KIF21A: variants seen among roughly 807,000 people sequenced by gnomAD.
KIF21A encodes kinesin-like protein KIF21A.
KIF21A carries 114 observed loss-of-function variants against 202.9 expected under a neutral mutation model. That is an observed-to-expected ratio of 0.56 (90% confidence interval 0.48 to 0.66). The LOEUF (loss-of-function observed/expected upper bound fraction) is 0.66, where lower values mean the gene tolerates loss of function less well. Ranked by LOEUF, KIF21A falls within the 30% of genes least tolerant of loss-of-function variation. The probability of loss-of-function intolerance (pLI) is 0.00; values close to 1 mark genes in which losing one functional copy is unlikely to be tolerated. For missense variants in KIF21A, 1,677 were observed against 1,994.9 expected, an observed-to-expected ratio of 0.84 and a Z score of 3.04; for synonymous variants, 667 against 670.8, an observed-to-expected ratio of 0.99 and a Z score of 0.09.
At chr12:39,363,408 G>A (rs559949141) in intron 6 of KIF21A, among the ~76,000 whole-genome samples, 195 bp from the exon 7 acceptor site, 39 of 151,764 alleles carry the variant, frequency 2.6e-4, no homozygotes, top group African/African-American at 5.6e-4. Context: ...ATATAATACC[G>A]TATGTATATA....
chr12:39,411,671 C>T (rs1222211466), intron 1 of KIF21A, among the ~76,000 whole-genome samples: 1 of 151,880 alleles, frequency 6.6e-6, no homozygotes, highest in Non-Finnish European at 1.5e-5. Flanking sequence ...GGACTACAGG[C>T]ATGCACCACC....
chr12:39,435,354 T>C (rs1436328466), intron 1 of KIF21A, among the ~76,000 whole-genome samples: 1 of 152,228 alleles, frequency 6.6e-6, no homozygotes, highest in Non-Finnish European at 1.5e-5. Flanking sequence ...TTTCAAGCCA[T>C]TTCCTACTGG....
At chr12:39,409,388 A>C (rs980562066) in intron 1 of KIF21A, among the ~76,000 whole-genome samples, 1 of 145,370 alleles carries the variant, frequency 6.9e-6, no homozygotes, top group South Asian at 2.1e-4. Context: ...AATTAAAAAA[A>C]CAAAAAAAAA....
rs992012618 is a variant in KIF21A, at chr12:39,358,320, G to A, written c.1073C>T (p.Thr358Met). 1.9e-6 allele frequency: 3 copies of A among 1,613,868 alleles called. No homozygotes were observed. Among genetic ancestry groups the A allele is most frequent in the Admixed American group, 1.7e-5 (1 of 59,988 alleles). Residue 358 changes from threonine to methionine, a missense_variant, in exon 8 of 38, where the codon ACG becomes ATG. Physicochemically the swap from Thr to Met is moderately conservative, Grantham distance 81 (BLOSUM62 -1). This residue lies in a region of KIF21A where 966 missense variants were observed against 1,180.9 expected (regional missense o/e 0.82). Transcript: ENST00000361418. ...VSPSDRDFME[T>M]LNTLKYANRA... The stretch of plus-strand genomic sequence containing the variant: ...ATTGGCGTATTTCAGGGTGTTTAAC[G>A]TTTCCATAAAGTCTCTGTCTGAAGG...
chr12:39,369,514 A>G (rs1286980782), intron 3 of KIF21A, among the ~76,000 whole-genome samples: 1 of 152,126 alleles, frequency 6.6e-6, no homozygotes, highest in Non-Finnish European at 1.5e-5. Flanking sequence ...CTTTTATTCT[A>G]TGGACATTGG....
intron 1 of KIF21A, among the ~76,000 whole-genome samples, chr12:39,429,201 C>A (rs1036381842): frequency 9.2e-5 from 14 of 152,064 alleles, no homozygotes; most frequent in Non-Finnish European, 1.5e-4. Context: ...ATAAGTATCC[C>A]CCATGTCAAA....
chr12:39,311,839 C>T (rs537348701), intron 31 of KIF21A: 10 of 342,826 alleles, frequency 2.9e-5, no homozygotes, highest in Admixed American at 1.2e-4. Flanking sequence ...CAAGGTTTAA[C>T]GAAGCCACAA....
chr12:39,405,996 G>A (rs1592585927), intron 1 of KIF21A, among the ~76,000 whole-genome samples: 1 of 152,038 alleles, frequency 6.6e-6, no homozygotes, highest in Non-Finnish European at 1.5e-5. Context: ...GCGTGTCTTT[G>A]CAGATTTCCT....
At chr12:39,360,692 T>C (rs1303154630) in intron 7 of KIF21A, among the ~76,000 whole-genome samples, 2 of 152,102 alleles carry the variant, frequency 1.3e-5, no homozygotes, top group Admixed American at 6.5e-5. Context: ...TGCCCAGCTA[T>C]AAATATAACT....
chr12:39,392,003 G>T (rs1253622382), intron 1 of KIF21A, among the ~76,000 whole-genome samples: 1 of 152,068 alleles, frequency 6.6e-6, no homozygotes, highest in Non-Finnish European at 1.5e-5. Context: ...CTCCCAAAGT[G>T]CTGGGATTAC....
chr12:39,423,904 A>G (rs1044080866), intron 1 of KIF21A, among the ~76,000 whole-genome samples: 180 of 149,470 alleles, frequency 1.2e-3, no homozygotes, highest in Admixed American at 3.6e-3. Context: ...GAATCACTTG[A>G]ACCTGGGAGG....
chr12:39,359,201 T>C (rs1360868719), intron 7 of KIF21A, among the ~76,000 whole-genome samples: 2 of 152,166 alleles, frequency 1.3e-5, no homozygotes, highest in African/African-American at 4.8e-5. Flanking sequence ...AACACAGTAC[T>C]CGTAGGTACC....
At chr12:39,336,263 C>A (rs1045853409) in intron 17 of KIF21A, among the ~76,000 whole-genome samples, 5 of 152,042 alleles carry the variant, frequency 3.3e-5, no homozygotes, top group African/African-American at 1.2e-4. Context: ...TATAATTTTT[C>A]ACCTAAAAGA....
intron 11 of KIF21A, among the ~76,000 whole-genome samples, chr12:39,346,723 A>G (rs886884827): frequency 2.0e-5 from 3 of 152,164 alleles, no homozygotes; most frequent in Admixed American, 6.6e-5. Context: ...ATATCTAAGA[A>G]GAGTATATAG....
intron 7 of KIF21A, among the ~76,000 whole-genome samples, chr12:39,362,157 C>A (rs1185535910): frequency 6.6e-6 from 1 of 152,110 alleles, no homozygotes; most frequent in African/African-American, 2.4e-5. Flanking sequence ...TCCCTAGAAG[C>A]CAAGCAGCTG....
Position 39,337,107 on chromosome 12 carries a change from G to A in KIF21A, c.2407C>T (p.Arg803Cys), listed in dbSNP as rs371582303. 1.4e-5 allele frequency: 22 copies of A among 1,597,478 alleles called. No individual in the cohort carries two copies. Among genetic ancestry groups the A allele is most frequent in the Admixed American group, 5.0e-5 (3 of 59,924 alleles). ...REIAQLKKDQ[R>C]KRDHQLRLLE... ...TAAAATCCACTTACATCTCTTTTAC[G>A]TTGATCCTTTTTCAACTGAGCAATC... Residue 803 changes from arginine (R) to cysteine (C), a missense_variant, in exon 17 of 38, where the codon CGT becomes TGT. This residue lies in a region of KIF21A where 966 missense variants were observed against 1,180.9 expected (regional missense o/e 0.82). Coordinates refer to ENST00000361418, the MANE Select transcript of KIF21A (RefSeq NM_001173464.2).
chr12:39,357,199 C>T (rs745951297), intron 9 of KIF21A, 49 bp downstream of exon 9: 6 of 1,491,312 alleles, frequency 4.0e-6, no homozygotes, highest in Middle Eastern at 1.7e-4. Flanking sequence ...AAGAATGTTC[C>T]CTGCCCTCCA....
chr12:39,438,867 A>G (rs1408681988), intron 1 of KIF21A, among the ~76,000 whole-genome samples: 1 of 152,214 alleles, frequency 6.6e-6, no homozygotes, highest in Non-Finnish European at 1.5e-5. Context: ...TATTAGATTT[A>G]GAATGTGAAA....
In KIF21A at chr12:39,442,188, T is replaced by C. The variant is rs1939734889; in HGVS notation, c.44+739A>G. On this transcript the variant is annotated intron_variant, in intron 1 of 37. Transcript: ENST00000361418. The surrounding 1 kb of genome is among the most constrained non-coding windows in gnomAD (Gnocchi z 5.0). ...CGTTACGATTACATTGTATCCACCC[T>C]GCCTAATGTCAGTATGTTTCACACA... Among the ~76,000 whole-genome samples the C allele has an allele frequency of 6.6e-6, 1 of 152,180 alleles. No homozygotes were observed. Among genetic ancestry groups the C allele is most frequent in the African/African-American group, 2.4e-5 (1 of 41,438 alleles).
Sources: gnomAD v4.1 joint callset for allele counts (sites outside exome capture counted in the v4.1 genomes callset) on GRCh38, gnomAD v4.1.1 for gene constraint, gnomAD v4.1.1 regional missense constraint, Gnocchi (gnomAD v3.1) non-coding constraint, MANE v1.5 for transcripts, NCBI Gene and HGNC (gene_info 2026-07-23, HGNC 2026-07-21) for gene names.